The following AKAP13 variants were observed in gnomAD, a reference collection of about 807,000 sequenced individuals.
AKAP13 encodes the protein A-kinase anchor protein 13.
AKAP13 carries 80 observed loss-of-function variants against 264.5 expected under a neutral mutation model. The ratio of observed to expected loss-of-function variants is 0.30; its 90% confidence interval spans 0.25 to 0.36. The LOEUF is 0.36. AKAP13 is among the 10% of genes least tolerant of loss of function. The pLI, the probability that AKAP13 is intolerant of heterozygous loss-of-function variation, is 1.00. For synonymous variants in AKAP13, 1,380 were observed against 1,250.2 expected (o/e 1.10, Z -2.19); for missense variants, 3,712 against 3,435.2 (o/e 1.08, Z -2.01).
chr15:85,453,611 G>T (rs2074171069), intron 1 of AKAP13, among the ~76,000 whole-genome samples: 1 of 152,158 alleles, frequency 6.6e-6, no homozygotes. Flanking sequence ...GATCAGGACT[G>T]CTTAAAAAAG....
chr15:85,743,370 G>A, intron 35 of AKAP13, 122 bp from the exon 36 acceptor site: 1 of 1,014,962 alleles, frequency 9.9e-7, no homozygotes, highest in Non-Finnish European at 1.4e-6. Context: ...GCTCTGTAGA[G>A]TTCGCAGAGG....
intron 2 of AKAP13, among the ~76,000 whole-genome samples, chr15:85,518,497 G>T (rs1281995067): frequency 4.6e-5 from 7 of 152,170 alleles, no homozygotes; most frequent in Non-Finnish European, 8.8e-5. Context: ...GCATAAGGTA[G>T]TGTGACTTAA....
intron 17 of AKAP13, 135 bp downstream of exon 17, chr15:85,693,586 G>T: frequency 1.4e-6 from 2 of 1,414,752 alleles, no homozygotes; most frequent in South Asian, 1.5e-5. Flanking sequence ...TCTTTCTTTA[G>T]ACATGATAAA....
chr15:85,513,680 T>C (rs1053587713), intron 2 of AKAP13, among the ~76,000 whole-genome samples: 1 of 152,226 alleles, frequency 6.6e-6, no homozygotes, highest in African/African-American at 2.4e-5. Context: ...ATATTCTCCT[T>C]TGTAATCACA....
At chr15:85,739,404 C>G (rs2088794561) in intron 33 of AKAP13, among the ~76,000 whole-genome samples, 1 of 152,122 alleles carries the variant, frequency 6.6e-6, no homozygotes, top group African/African-American at 2.4e-5. Flanking sequence ...ATGCTATTGG[C>G]CATTTATATT....
intron 30 of AKAP13, among the ~76,000 whole-genome samples, chr15:85,733,969 T>A (rs942683531): frequency 1.4e-5 from 2 of 142,238 alleles, no homozygotes; most frequent in African/African-American, 5.1e-5. Flanking sequence ...GCCTCCTGAG[T>A]AGCTGGGTTT....
chr15:85,735,669 CT>C (rs1567221812), intron 32 of AKAP13, 39 bp downstream of exon 32: 5 of 1,564,352 alleles, frequency 3.2e-6, no homozygotes, highest in Admixed American at 3.7e-5. Context: ...CTCCTTGGCA[CT>C]TTCCTCTGAA....
chr15:85,512,867 ATGTT>A (rs2076485539), intron 2 of AKAP13, among the ~76,000 whole-genome samples: 1 of 102,970 alleles, frequency 9.7e-6, no homozygotes, highest in African/African-American at 3.3e-5. Flanking sequence ...GTATGTATGT[ATGTT>A]TTTGAGGTGG....
chr15:85,565,974 G>A (rs999530140), intron 5 of AKAP13, among the ~76,000 whole-genome samples: 6 of 152,188 alleles, frequency 3.9e-5, no homozygotes, highest in Non-Finnish European at 7.3e-5. Flanking sequence ...TTATTCACAG[G>A]TGTTTGCTGT....
At chr15:85,671,131 A>T (rs1055594917) in intron 14 of AKAP13, among the ~76,000 whole-genome samples, 1 of 152,052 alleles carries the variant, frequency 6.6e-6, no homozygotes, top group African/African-American at 2.4e-5. Context: ...CCTGGTGTTT[A>T]TGGGGTTTCC....
chr15:85,590,660 G>A (rs1035918291), intron 8 of AKAP13, among the ~76,000 whole-genome samples: 4 of 152,090 alleles, frequency 2.6e-5, no homozygotes, highest in Non-Finnish European at 4.4e-5. Flanking sequence ...AATTTTTGAG[G>A]CAAAGTTATT....
chr15:85,669,230 T>C (rs928593530), intron 13 of AKAP13, among the ~76,000 whole-genome samples: 4 of 152,130 alleles, frequency 2.6e-5, no homozygotes, highest in Admixed American at 2.0e-4. Context: ...AGAGTGAGAC[T>C]CTGTCTAAAA....
intron 1 of AKAP13, among the ~76,000 whole-genome samples, chr15:85,385,341 C>T (rs965129806): frequency 2.6e-5 from 4 of 152,132 alleles, no homozygotes; most frequent in African/African-American, 9.6e-5. Context: ...TCACTCAGCA[C>T]ATCATTATGT....
At chr15:85,609,000 C>T (rs993150282) in intron 8 of AKAP13, among the ~76,000 whole-genome samples, 54 of 152,108 alleles carry the variant, frequency 3.6e-4, no homozygotes, top group African/African-American at 1.3e-3. Flanking sequence ...TTTTAATTGA[C>T]ACATAGTTGT....
rs138246670 is a variant in AKAP13, at chr15:85,519,262, A to G, written c.34-2166A>G. The stretch of plus-strand genomic sequence containing the variant: ...TAAACCTTTATTTATTGACAGTGAA[A>G]TTTGAATTTCATGTAATTTTCACAT... On this transcript the variant is annotated intron_variant, in intron 2 of 36. Coordinates refer to ENST00000394518, the MANE Select transcript of AKAP13 (RefSeq NM_007200.5). 2.1e-3 allele frequency among the ~76,000 whole-genome samples: 317 copies of G among 152,272 alleles called. 7 individuals are homozygous for G. The highest frequency in any genetic ancestry group is 0.017 in the Middle Eastern group (5 of 294).
chr15:85,652,477 G>A lies in AKAP13; in HGVS notation c.4375-2940G>A, dbSNP rs192717754. 1.8e-3 allele frequency among the ~76,000 whole-genome samples: 278 copies of A among 152,230 alleles called. 1 individual carries two copies. The highest frequency in any genetic ancestry group is 4.4e-3 in the Admixed American group (68 of 15,294). On this transcript the variant is annotated intron_variant, in intron 10 of 36. Transcript: ENST00000394518. ...TTTTGTTTGCCTTGAAGTCTTTTTT[G>A]TGTGTTTTAGAACAGGCTTGTTATA...
chr15:85,562,691 C>CTTTTTTTTT lies in AKAP13; in HGVS notation c.663-12427_663-12419dup, dbSNP rs10598092. 2.7e-4 allele frequency among the ~76,000 whole-genome samples: 27 copies of CTTTTTTTTT among 100,516 alleles called. 1 individual carries two copies. Among genetic ancestry groups the CTTTTTTTTT allele is most frequent in the Admixed American group, 7.2e-4 (6 of 8,348 alleles). The allele number at this position is 100,516 out of a possible 152,430, so 65.9% of individuals were successfully genotyped here. ...CCTTTTCTTTCTTTTCTTTTCTTTT[C>CTTTTTTTTT]TTTTTTTTTTTTTTTTTTTTTGAGA... On this transcript the variant is annotated intron_variant, in intron 5 of 36. Coordinates refer to ENST00000394518, the MANE Select transcript of AKAP13 (RefSeq NM_007200.5).
chr15:85,531,351 G>T (rs1567109164), intron 3 of AKAP13, among the ~76,000 whole-genome samples: 1 of 152,164 alleles, frequency 6.6e-6, no homozygotes, highest in Non-Finnish European at 1.5e-5. Context: ...GTTATGAACC[G>T]TAAATCTCTG....
intron 17 of AKAP13, among the ~76,000 whole-genome samples, chr15:85,703,346 T>C (rs2151673683): frequency 6.6e-6 from 1 of 152,346 alleles, no homozygotes; most frequent in Middle Eastern, 3.4e-3. Context: ...TTCATTTTAT[T>C]TCATTTTTGT....
Sources: allele counts gnomAD v4.1 joint callset (sites outside exome capture counted in the v4.1 genomes callset), GRCh38; gene constraint gnomAD v4.1.1; transcripts MANE v1.5; gene names NCBI Gene and HGNC (gene_info 2026-07-23, HGNC 2026-07-21).